The following METTL16 variants were observed in gnomAD, a reference collection of about 807,000 sequenced individuals.
METTL16 encodes methyltransferase 16, RNA N6-adenosine.
METTL16 carries 19 observed loss-of-function variants against 57.9 expected under a neutral mutation model. The observed-to-expected ratio is 0.33, with a 90% CI of 0.23 to 0.48. The LOEUF is 0.48. METTL16 is among the 20% of genes least tolerant of loss of function. METTL16 has a pLI of 0.99. For synonymous variants in METTL16, 246 were observed against 255.6 expected (o/e 0.96, Z 0.36); for missense variants, 434 against 691.5 (o/e 0.63, Z 4.18).
chr17:2,455,494 G>A (rs930666316), intron 6 of METTL16, among the ~76,000 whole-genome samples: 2 of 152,096 alleles, frequency 1.3e-5, no homozygotes, highest in African/African-American at 2.4e-5. Context: ...ACTATGTCAC[G>A]TAGTCGGAAA....
intron 6 of METTL16, among the ~76,000 whole-genome samples, chr17:2,453,940 A>G (rs890080596): frequency 6.6e-6 from 1 of 152,216 alleles, no homozygotes; most frequent in Non-Finnish European, 1.5e-5. Flanking sequence ...AATAAGTAAT[A>G]TAATAGTTTA....
Position 2,501,078 on chromosome 17 carries a change from C to T in METTL16, c.128+1126G>A, listed in dbSNP as rs542721985. On this transcript the variant is annotated intron_variant, in intron 2 of 9. Coordinates refer to ENST00000263092, the MANE Select transcript of METTL16 (RefSeq NM_024086.4). ...GTTGCAGTGAGGCGAGACTGCACCACTGTACTCCACCCTGGGCAACAGAGA... is the reference window on the plus strand; with the variant it reads ...GTTGCAGTGAGGCGAGACTGCACCATTGTACTCCACCCTGGGCAACAGAGA... Among the ~76,000 whole-genome samples the T allele has an allele frequency of 2.0e-5, 3 of 152,246 alleles. No individual in the cohort carries two copies. The East Asian group carries it at 5.8e-4, about 29-fold the overall frequency.
chr17:2,441,061 C>A, intron 7 of METTL16, among the ~76,000 whole-genome samples: 1 of 148,880 alleles, frequency 6.7e-6, no homozygotes, highest in Admixed American at 6.7e-5. Context: ...CTTAAGTATC[C>A]ATCAACAAAG....
chr17:2,480,458 G>A (rs2067297840), intron 2 of METTL16, among the ~76,000 whole-genome samples: 2 of 152,146 alleles, frequency 1.3e-5, no homozygotes, highest in South Asian at 4.1e-4. Flanking sequence ...AGTGGACCCT[G>A]AAGAGACACA....
chr17:2,435,366 T>G (rs909793275), intron 8 of METTL16, among the ~76,000 whole-genome samples: 1 of 152,036 alleles, frequency 6.6e-6, no homozygotes, highest in Non-Finnish European at 1.5e-5. Context: ...TAAAGCAGCA[T>G]CCTCCTCCTT....
At chr17:2,463,255 C>G (rs1194939346) in intron 6 of METTL16, among the ~76,000 whole-genome samples, 1 of 152,174 alleles carries the variant, frequency 6.6e-6, no homozygotes, top group Non-Finnish European at 1.5e-5. Flanking sequence ...CATCTGTTTT[C>G]TAATCAAAAG....
chr17:2,448,883 TG>T (rs1318437013), intron 6 of METTL16, among the ~76,000 whole-genome samples: 1 of 140,188 alleles, frequency 7.1e-6, no homozygotes, highest in Non-Finnish European at 1.5e-5. Context: ...AAAAATTAGC[TG>T]GGTGTGGTGG....
rs1389286547 is a variant in METTL16, at chr17:2,436,886, T to TTTC, written c.888+1222_888+1223insGAA. On this transcript the variant is annotated intron_variant, in intron 8 of 9. Coordinates refer to ENST00000263092, the MANE Select transcript of METTL16 (RefSeq NM_024086.4). ...GTGAACAAACCTTTTTTTTTTTTTTTTTTGAGACAGGATCTCACTCTGTTG... is the reference window on the plus strand; with the variant it reads ...GTGAACAAACCTTTTTTTTTTTTTTTTTCTTTGAGACAGGATCTCACTCTGTTG... The TTTC allele has an allele frequency of 2.0e-5, 3 of 153,608 alleles. 1 individual carries two copies. The highest frequency in any genetic ancestry group is 7.3e-5 in the African/African-American group (3 of 41,070). 9.5% of individuals were successfully genotyped at this position (153,608 alleles called of 1,614,324 possible). A position where few individuals can be genotyped will look rare whatever the true frequency, so the allele number is the denominator to read the frequency against.
chr17:2,468,746 G>A (rs1448658233), intron 4 of METTL16, among the ~76,000 whole-genome samples: 6 of 152,086 alleles, frequency 3.9e-5, no homozygotes, highest in Non-Finnish European at 8.8e-5. Flanking sequence ...AAAATTATCT[G>A]AGCATGGTGG....
intron 6 of METTL16, among the ~76,000 whole-genome samples, chr17:2,446,627 CGG>C (rs1195950206): frequency 8.6e-5 from 13 of 151,448 alleles, no homozygotes; most frequent in African/African-American, 3.2e-4. Context: ...TCTCCCTCCA[CGG>C]TCTCCTTCCA....
chr17:2,429,105 G>A (rs577277156), intron 8 of METTL16, among the ~76,000 whole-genome samples: 131 of 151,850 alleles, frequency 8.6e-4, no homozygotes, highest in African/African-American at 3.1e-3. Flanking sequence ...TGATCCACCC[G>A]CTTCGGCCTC....
chr17:2,450,766 A>C (rs908961343), intron 6 of METTL16, among the ~76,000 whole-genome samples: 1 of 152,158 alleles, frequency 6.6e-6, no homozygotes, highest in African/African-American at 2.4e-5. Flanking sequence ...AATTCACCTA[A>C]TCGCATTAAA....
At chr17:2,443,470 T>G (rs1466011133) in intron 6 of METTL16, among the ~76,000 whole-genome samples, 1 of 150,252 alleles carries the variant, frequency 6.7e-6, no homozygotes, top group Middle Eastern at 3.2e-3. Context: ...CAGTATTACA[T>G]CAACAAATCA....
intron 2 of METTL16, among the ~76,000 whole-genome samples, chr17:2,486,277 T>C (rs1184423647): frequency 2.1e-5 from 3 of 144,442 alleles, no homozygotes; most frequent in Non-Finnish European, 3.1e-5. Context: ...GATACTACTC[T>C]TTTTTTTTTT....
chr17:2,419,815 C>T lies in METTL16; in HGVS notation c.*155G>A, dbSNP rs1215756881. ...TGTAACTCAAAAAGCGGGAAGGAGG[C>T]GGGGGGAGGTGGGGGACAGATTCAT... On this transcript the variant is annotated 3_prime_UTR_variant, in exon 10 of 10. Coordinates refer to ENST00000263092, the MANE Select transcript of METTL16 (RefSeq NM_024086.4). 9 of 882,308 alleles carry T rather than the reference C, an allele frequency of 1.0e-5. No individual in the cohort carries two copies. The East Asian group carries it at 1.0e-4, about 10-fold the overall frequency. The allele number at this position is 882,308 out of a possible 1,614,324, so 54.7% of individuals were successfully genotyped here.
At position 2,472,278 on chromosome 17, in the gene METTL16, C is replaced by A. The variant is rs532540101; in HGVS notation, c.469+1246G>T. Among the ~76,000 whole-genome samples the A allele has an allele frequency of 9.2e-5, 14 of 152,252 alleles. No homozygotes were observed. In the East Asian group the frequency reaches 2.5e-3, roughly 27 times the overall value. ...CTATTAGAACGGCCAAAATCCAGAA[C>A]ACCGACAGCACCCAGCACCCAGTGC... On this transcript the variant is annotated intron_variant, in intron 4 of 9. Coordinates refer to ENST00000263092, the MANE Select transcript of METTL16 (RefSeq NM_024086.4).
At chr17:2,435,534 C>T (rs1003404671) in intron 8 of METTL16, among the ~76,000 whole-genome samples, 6 of 152,112 alleles carry the variant, frequency 3.9e-5, no homozygotes, top group African/African-American at 7.2e-5. Context: ...AAGCAGTTGC[C>T]GATCAAGGGC....
chr17:2,450,080 G>C (rs1228766141), intron 6 of METTL16, among the ~76,000 whole-genome samples: 1 of 152,186 alleles, frequency 6.6e-6, no homozygotes. Context: ...TCTTAATAAA[G>C]TTAAACATAC....
intron 8 of METTL16, among the ~76,000 whole-genome samples, chr17:2,436,410 C>T (rs2066909282): frequency 6.6e-6 from 1 of 152,178 alleles, no homozygotes; most frequent in African/African-American, 2.4e-5. Context: ...CAGAGTAGGA[C>T]AGGCTCAACC....
Sources: allele counts gnomAD v4.1 joint callset (sites outside exome capture counted in the v4.1 genomes callset), GRCh38; gene constraint gnomAD v4.1.1; transcripts MANE v1.5; gene names NCBI Gene and HGNC (gene_info 2026-07-23, HGNC 2026-07-21).